PRR16: variants seen among roughly 807,000 people sequenced by gnomAD.
PRR16 encodes protein Largen.
PRR16 carries 6 observed loss-of-function variants against 18.2 expected under a neutral mutation model. That is an observed-to-expected ratio of 0.33 (90% CI 0.18 to 0.65). PRR16 has a LOEUF of 0.65. Among genes scored for constraint, PRR16 ranks in the 30% least tolerant of loss-of-function variants. The pLI is 0.74. For missense variants in PRR16, 412 were observed against 376.6 expected (o/e 1.09, Z -0.78); for synonymous variants, 151 against 147.8 (o/e 1.02, Z -0.16).
At chr5:120,714,103 C>T in the PRR16 span, among the ~76,000 whole-genome samples, 1 of 151,542 alleles carries the variant, frequency 6.6e-6, no homozygotes, top group Non-Finnish European at 1.5e-5. Context: ...CTTCTTTGTG[C>T]TTGATATATT....
chr5:120,711,752 A>G, the PRR16 span, among the ~76,000 whole-genome samples: 27 of 152,286 alleles, frequency 1.8e-4, no homozygotes, highest in African/African-American at 5.3e-4. Context: ...GAGATAGTCT[A>G]TGATCTGCAA....
chr5:120,559,322 A>G (rs1383875951), intron 1 of PRR16, among the ~76,000 whole-genome samples: 1 of 151,870 alleles, frequency 6.6e-6, no homozygotes, highest in East Asian at 1.9e-4. Flanking sequence ...GGATTTTTGT[A>G]TGTGATGAGA....
At chr5:120,502,754 AT>A (rs1175522598) in intron 1 of PRR16, among the ~76,000 whole-genome samples, 1 of 152,178 alleles carries the variant, frequency 6.6e-6, no homozygotes, top group Non-Finnish European at 1.5e-5. Flanking sequence ...CATACCAGCA[AT>A]TTCTAGTTCA....
At chr5:120,501,831 C>A (rs1483545421) in intron 1 of PRR16, among the ~76,000 whole-genome samples, 2 of 151,560 alleles carry the variant, frequency 1.3e-5, no homozygotes, top group Non-Finnish European at 2.9e-5. Flanking sequence ...TGGCGGGTGC[C>A]TGTAGTCCCA....
intron 1 of PRR16, among the ~76,000 whole-genome samples, chr5:120,597,565 G>C (rs1253537961): frequency 1.3e-5 from 2 of 151,726 alleles, no homozygotes; most frequent in Non-Finnish European, 3.0e-5. Context: ...CTCAAACAAC[G>C]TGTAGTCTTT....
chr5:120,779,256 A>G, the PRR16 span, among the ~76,000 whole-genome samples: 2 of 152,176 alleles, frequency 1.3e-5, no homozygotes, highest in Non-Finnish European at 2.9e-5. Context: ...AGGAAATTAA[A>G]AGGAGGAGCA....
chr5:120,618,380 GAATGT>G, intron 1 of PRR16: 1 of 769,610 alleles, frequency 1.3e-6, no homozygotes, highest in Non-Finnish European at 1.6e-6. Flanking sequence ...GTGATTTTAA[GAATGT>G]AATAAGTAAA....
chr5:120,474,788 T>G (rs1162983563), intron 1 of PRR16, among the ~76,000 whole-genome samples: 1 of 152,138 alleles, frequency 6.6e-6, no homozygotes, highest in East Asian at 1.9e-4. Context: ...ATATGTGTGT[T>G]TTAGGATTTG....
At chr5:120,610,006 C>T (rs1395861990) in intron 1 of PRR16, among the ~76,000 whole-genome samples, 1 of 152,158 alleles carries the variant, frequency 6.6e-6, no homozygotes, top group Non-Finnish European at 1.5e-5. Context: ...CCAGGCAGTC[C>T]TGCCACAGTC....
chr5:120,707,946 A>T, the PRR16 span, among the ~76,000 whole-genome samples: 190 of 152,274 alleles, frequency 1.2e-3, no homozygotes, highest in East Asian at 7.1e-3. Context: ...GCCTGGTGAG[A>T]GAGAAGTCTT....
intron 1 of PRR16, among the ~76,000 whole-genome samples, chr5:120,662,608 G>A (rs902407812): frequency 2.0e-5 from 3 of 151,696 alleles, no homozygotes; most frequent in Non-Finnish European, 2.9e-5. Flanking sequence ...CTCCCCTTCC[G>A]CACACCATAT....
intron 1 of PRR16, among the ~76,000 whole-genome samples, chr5:120,485,045 T>TGGAAAATA (rs1749748864): frequency 6.6e-6 from 1 of 151,984 alleles, no homozygotes; most frequent in African/African-American, 2.4e-5. Flanking sequence ...AAGTAATCTT[T>TGGAAAATA]ACTCTGATTT....
intron 1 of PRR16, among the ~76,000 whole-genome samples, chr5:120,594,984 A>T (rs1388038633): frequency 6.6e-6 from 1 of 151,754 alleles, no homozygotes; most frequent in African/African-American, 2.4e-5. Context: ...TTAAATGTAT[A>T]ACCTAAAACT....
chr5:120,483,382 C>T (rs1580626501), intron 1 of PRR16, among the ~76,000 whole-genome samples: 1 of 152,124 alleles, frequency 6.6e-6, no homozygotes, highest in Non-Finnish European at 1.5e-5. Context: ...CAGAACTTTA[C>T]TATTTTTGGA....
At chr5:120,633,089 CAT>C (rs145998761) in intron 1 of PRR16, among the ~76,000 whole-genome samples, 39,157 of 151,952 alleles carry the variant, frequency 0.26, 6,043 homozygotes, top group Middle Eastern at 0.41. Context: ...TCTCCTTAAA[CAT>C]AACAATTATC....
At chr5:120,751,758 A>T in the PRR16 span, among the ~76,000 whole-genome samples, 150,332 of 152,196 alleles carry the variant, frequency 0.99, 74,271 homozygotes, top group East Asian at 1. Flanking sequence ...TCATATGGAA[A>T]TACTAATCTC....
intron 1 of PRR16, among the ~76,000 whole-genome samples, chr5:120,642,583 T>A (rs1755459342): frequency 6.6e-6 from 1 of 152,280 alleles, no homozygotes; most frequent in East Asian, 1.9e-4. Context: ...CAGGCTCATT[T>A]TCTACACTCT....
chr5:120,763,483 G>T, the PRR16 span, among the ~76,000 whole-genome samples: 1 of 151,914 alleles, frequency 6.6e-6, no homozygotes, highest in Non-Finnish European at 1.5e-5. Flanking sequence ...TCCAAGGTAA[G>T]GTAATGTGAT....
At chr5:120,792,110 A>AAAAT in the PRR16 span, among the ~76,000 whole-genome samples, 1 of 152,166 alleles carries the variant, frequency 6.6e-6, no homozygotes, top group Admixed American at 6.5e-5. Flanking sequence ...AACTTTCCCA[A>AAAAT]AAATATTTGA....
Sources: gnomAD v4.1 joint callset for allele counts (sites outside exome capture counted in the v4.1 genomes callset) on GRCh38, gnomAD v4.1.1 for gene constraint, MANE v1.5 for transcripts, NCBI Gene and HGNC (gene_info 2026-07-23, HGNC 2026-07-21) for gene names.